Variants in RTN1 observed in about 807,000 individuals in gnomAD.
RTN1 encodes reticulon-1.
In RTN1, 25 loss-of-function variants were observed where a neutral mutation model predicts 65.5. The observed-to-expected ratio is 0.38, with a 90% CI of 0.28 to 0.53. The LOEUF is 0.53. Ranked by LOEUF, RTN1 falls within the 20% of genes least tolerant of loss-of-function variation. The probability of loss-of-function intolerance (pLI) is 0.79; values close to 1 mark genes in which losing one functional copy is unlikely to be tolerated. For synonymous variants in RTN1, 471 were observed against 447.6 expected (o/e 1.05, Z -0.66); for missense variants, 983 against 1,025.4 (o/e 0.96, Z 0.57).
At chr14:59,832,990 G>A (rs1887152495) in intron 1 of RTN1, among the ~76,000 whole-genome samples, 1 of 152,126 alleles carries the variant, frequency 6.6e-6, no homozygotes, top group Admixed American at 6.5e-5. Context: ...TGAAGATTGT[G>A]CCTTATTTAT....
intron 1 of RTN1, among the ~76,000 whole-genome samples, chr14:59,792,359 TCACACACACACACACA>T (rs34220909): frequency 2.8e-5 from 4 of 144,894 alleles, no homozygotes; most frequent in South Asian, 2.3e-4. Flanking sequence ...AGAAAAGACT[TCACACACACACACACA>T]CACACACACA....
At chr14:59,820,811 C>T (rs1886930594) in intron 1 of RTN1, among the ~76,000 whole-genome samples, 2 of 152,164 alleles carry the variant, frequency 1.3e-5, no homozygotes, top group Non-Finnish European at 2.9e-5. Context: ...TGTCAAAGAT[C>T]GGATGGTTGT....
At chr14:59,783,272 T>A (rs974615695) in intron 1 of RTN1, among the ~76,000 whole-genome samples, 23 of 152,074 alleles carry the variant, frequency 1.5e-4, no homozygotes, top group African/African-American at 5.6e-4. Flanking sequence ...GACAAGAATA[T>A]AAACACCAAA....
chr14:59,734,547 C>G, intron 2 of RTN1, among the ~76,000 whole-genome samples: 1 of 152,144 alleles, frequency 6.6e-6, no homozygotes, highest in East Asian at 1.9e-4. Flanking sequence ...CATAACCAAC[C>G]AGCTAGAGCT....
intron 1 of RTN1, among the ~76,000 whole-genome samples, chr14:59,750,381 ATATAT>A (rs1885464763): frequency 1.8e-5 from 1 of 56,798 alleles, no homozygotes; most frequent in Admixed American, 3.9e-4. Flanking sequence ...TCTATATATT[ATATAT>A]TATATCTATA....
intron 1 of RTN1, among the ~76,000 whole-genome samples, chr14:59,776,585 T>C (rs1261426096): frequency 1.3e-5 from 2 of 152,156 alleles, no homozygotes; most frequent in Admixed American, 1.3e-4. Flanking sequence ...ACTTTGTTCA[T>C]CTTGAAAGTG....
intron 3 of RTN1, among the ~76,000 whole-genome samples, chr14:59,725,586 C>T (rs554878261): frequency 6.6e-6 from 1 of 152,290 alleles, no homozygotes; most frequent in East Asian, 1.9e-4. Flanking sequence ...AAGTATCTTC[C>T]CTATCACACA....
intron 3 of RTN1, among the ~76,000 whole-genome samples, chr14:59,687,515 C>T (rs1170034774): frequency 1.3e-5 from 2 of 151,830 alleles, no homozygotes; most frequent in Non-Finnish European, 2.9e-5. Context: ...CCCATCCTTC[C>T]TGTGCAGAGA....
At chr14:59,662,370 CT>C (rs545989218) in intron 3 of RTN1, among the ~76,000 whole-genome samples, 63 of 136,666 alleles carry the variant, frequency 4.6e-4, no homozygotes, top group African/African-American at 1.7e-3. Flanking sequence ...TCCAAGTGTT[CT>C]CATTGTTCAA....
rs900831866 is a variant in RTN1 at position 59,598,031 on chromosome 14, C to T, written c.2289-1244G>A. Reference sequence around the variant, plus strand: ...TTGATGAATTTAGGCAGGGGAGTGACGTGATCTGATTAATGTTGTAAGAAG... The same window carrying T: ...TTGATGAATTTAGGCAGGGGAGTGATGTGATCTGATTAATGTTGTAAGAAG... On this transcript the variant is annotated intron_variant, in intron 8 of 8. Coordinates refer to ENST00000267484, the MANE Select transcript of RTN1 (RefSeq NM_021136.3). Among the ~76,000 whole-genome samples, 8 of 151,672 alleles carry T rather than the reference C, an allele frequency of 5.3e-5. 1 individual carries two copies. The East Asian group carries it at 1.2e-3, about 22-fold the overall frequency.
At chr14:59,694,508 G>A (rs970018189) in intron 3 of RTN1, among the ~76,000 whole-genome samples, 9 of 152,092 alleles carry the variant, frequency 5.9e-5, no homozygotes, top group Admixed American at 3.9e-4. Context: ...ATTAAATATC[G>A]TTTTCAAGAA....
Position 59,854,590 on chromosome 14 carries a change from G to A in RTN1, c.241+15800C>T, listed in dbSNP as rs545186256. 2.8e-3 allele frequency among the ~76,000 whole-genome samples: 380 copies of A among 135,878 alleles called. 3 individuals carry two copies. Among genetic ancestry groups the A allele is most frequent in the African/African-American group, 0.01 (350 of 34,608 alleles). 89.1% of individuals were successfully genotyped at this position (135,878 alleles called of 152,430 possible). ...CAGGAGGTGGAGGCTGCAGTGAGCCGAGATCATGCCACTGCACTCCAGCCT... is the reference window on the plus strand; with the variant it reads ...CAGGAGGTGGAGGCTGCAGTGAGCCAAGATCATGCCACTGCACTCCAGCCT... On this transcript the variant is annotated intron_variant, in intron 1 of 8. Coordinates refer to ENST00000267484, the MANE Select transcript of RTN1 (RefSeq NM_021136.3).
At chr14:59,737,792 T>C (rs1165482621) in intron 2 of RTN1, among the ~76,000 whole-genome samples, 2 of 152,206 alleles carry the variant, frequency 1.3e-5, no homozygotes, top group Non-Finnish European at 2.9e-5. Flanking sequence ...CAGAACAGTA[T>C]GGTACTGGTA....
chr14:59,651,150 A>G (rs567595737), intron 3 of RTN1, among the ~76,000 whole-genome samples: 3 of 152,342 alleles, frequency 2.0e-5, no homozygotes, highest in East Asian at 3.9e-4. Context: ...ATGGGGCTAT[A>G]ATAATGAAAA....
intron 3 of RTN1, among the ~76,000 whole-genome samples, chr14:59,670,384 C>T (rs986775619): frequency 1.1e-4 from 17 of 152,288 alleles, no homozygotes; most frequent in African/African-American, 4.1e-4. Context: ...GCTGCTGAAG[C>T]AGCACTGAAA....
In RTN1 at chr14:59,772,789, T is replaced by A. The variant is rs571666288; in HGVS notation, c.242-26308A>T. On this transcript the variant is annotated intron_variant, in intron 1 of 8. Transcript: ENST00000267484. ...TTTAGGCAACCCATTAATAAAATCA[T>A]GACTAGTCAAAAAAGGACTGGGTTT... Among the ~76,000 whole-genome samples, 4 of 147,590 alleles carry A rather than the reference T, an allele frequency of 2.7e-5. No homozygotes were observed. The East Asian group carries it at 7.9e-4, about 29-fold the overall frequency.
At chr14:59,852,478 G>T (rs1887527096) in intron 1 of RTN1, among the ~76,000 whole-genome samples, 1 of 152,092 alleles carries the variant, frequency 6.6e-6, no homozygotes, top group Admixed American at 6.5e-5. Context: ...TAATAATAAT[G>T]GTAAAAGACT....
At chr14:59,709,212 C>T (rs73311535) in intron 3 of RTN1, among the ~76,000 whole-genome samples, 2,953 of 151,650 alleles carry the variant, frequency 0.019, 95 homozygotes, top group African/African-American at 0.068. Flanking sequence ...AATGCTTTTC[C>T]CAAAAGTAGA....
At position 59,727,346 on chromosome 14, in the gene RTN1, C is replaced by A. The variant is rs758099927; in HGVS notation, c.1338G>T (p.Ser446=). ...HVGGPPPSPA[S]PSIQYSILRE... is the part of the protein sequence containing the mutation. ...TCAGGATGCTGTACTGGATGGATGG[C>A]GAGGCGGGCGAGGGCGGCGGGCCGC... is the stretch of plus-strand genomic sequence containing the variant. Residue 446 remains serine, a synonymous_variant, in exon 3 of 9, where the codon TCG becomes TCT. Transcript: ENST00000267484. The surrounding 1 kb of genome is among the most constrained non-coding windows in gnomAD (Gnocchi z 4.2). 17 of 1,501,388 alleles carry A rather than the reference C, an allele frequency of 1.1e-5. No homozygotes were observed. The South Asian group carries it at 1.8e-4, about 16-fold the overall frequency. The allele number at this position is 1,501,388 out of a possible 1,614,324, so 93.0% of individuals were successfully genotyped here.
Sources: gnomAD v4.1 joint callset for allele counts (sites outside exome capture counted in the v4.1 genomes callset) on GRCh38, gnomAD v4.1.1 for gene constraint, Gnocchi (gnomAD v3.1) non-coding constraint, MANE v1.5 for transcripts, NCBI Gene and HGNC (gene_info 2026-07-23, HGNC 2026-07-21) for gene names.